The following CFAP77 variants were observed in gnomAD, a reference collection of about 807,000 sequenced individuals.
CFAP77 encodes the protein cilia- and flagella-associated protein 77.
Under a neutral mutation model 31.1 loss-of-function variants are expected in CFAP77, and 25 were observed. That is an observed-to-expected ratio of 0.80 (90% CI 0.59 to 1.12). The LOEUF (loss-of-function observed/expected upper bound fraction) is 1.12, where lower values mean the gene tolerates loss of function less well. Ranked by LOEUF, CFAP77 falls within the 50% of genes most tolerant of loss-of-function variation. CFAP77 has a pLI of 0.00. For synonymous variants in CFAP77, 151 were observed against 159.9 expected (o/e 0.94, Z 0.42); for missense variants, 377 against 397.3 (o/e 0.95, Z 0.44).
intron 1 of CFAP77, among the ~76,000 whole-genome samples, chr9:132,454,658 AGT>A (rs1850883581): frequency 6.6e-6 from 1 of 152,234 alleles, no homozygotes; most frequent in African/African-American, 2.4e-5. Flanking sequence ...CTTTTCTAGA[AGT>A]GAAGACTACT....
rs182600238 is a variant in CFAP77, at chr9:132,520,699, T to C, written c.525-16902T>C. On this transcript the variant is annotated intron_variant, in intron 3 of 5. Coordinates refer to ENST00000393216, the MANE Select transcript of CFAP77 (RefSeq NM_001282957.2). The stretch of plus-strand genomic sequence containing the variant: ...GTCTCTCATGTCCCTTCTCAGTCAG[T>C]GCCTTCCCCTGCCTCCAGGAGGATC... Among the ~76,000 whole-genome samples, 266 of 152,314 alleles carry C rather than the reference T, an allele frequency of 1.7e-3. 1 individual carries two copies. Among genetic ancestry groups the C allele is most frequent in the African/African-American group, 6.0e-3 (251 of 41,564 alleles).
chr9:132,572,591 G>T lies in CFAP77; in HGVS notation c.*81G>T, dbSNP rs769960987. 4.5e-5 allele frequency: 61 copies of T among 1,367,924 alleles called. No individual in the cohort carries two copies. The highest frequency in any genetic ancestry group is 5.9e-5 in the Non-Finnish European group (60 of 1,009,416). The allele number at this position is 1,367,924 out of a possible 1,614,324, so 84.7% of individuals were successfully genotyped here. ...GGACTCCCTATCTTGCCCCAACCCT[G>T]ACATTCCCCCATTTTTATGCAGGTT... On this transcript the variant is annotated 3_prime_UTR_variant, in exon 6 of 6. Transcript: ENST00000393216.
At chr9:132,569,792 G>T (rs139412286) in intron 5 of CFAP77, among the ~76,000 whole-genome samples, 3,467 of 145,022 alleles carry the variant, frequency 0.024, 119 homozygotes, top group African/African-American at 0.085. Flanking sequence ...CTGGAGTGCA[G>T]TGGCACAATC....
At chr9:132,432,911 T>G (rs1191722921) in intron 1 of CFAP77, among the ~76,000 whole-genome samples, 1 of 152,160 alleles carries the variant, frequency 6.6e-6, no homozygotes, top group Non-Finnish European at 1.5e-5. Flanking sequence ...GAGATGGGTT[T>G]CGCCATGTTA....
intron 1 of CFAP77, among the ~76,000 whole-genome samples, chr9:132,412,581 T>TG (rs1554731671): frequency 0.099 from 3,125 of 31,414 alleles, 121 homozygotes; most frequent in African/African-American, 0.14. Context: ...CCACCTCTGT[T>TG]GTTTTTTTTG....
In CFAP77 at chr9:132,565,276, C is replaced by T. The variant is rs1332605654; in HGVS notation, c.733-7112C>T. Among the ~76,000 whole-genome samples the T allele has an allele frequency of 6.6e-6, 1 of 151,794 alleles. No individual in the cohort carries two copies. The highest frequency in any genetic ancestry group is 1.5e-5 in the Non-Finnish European group (1 of 67,978). The stretch of plus-strand genomic sequence containing the variant: ...CCCTGGCTTGCTCCTTCATCCTCCC[C>T]AGAGAGCCCTTCCTGAGCCCCAGAT... On this transcript the variant is annotated intron_variant, in intron 5 of 5. Coordinates refer to ENST00000393216, the MANE Select transcript of CFAP77 (RefSeq NM_001282957.2). The surrounding 1 kb of genome is among the most constrained non-coding windows in gnomAD (Gnocchi z 4.1).
At chr9:132,548,286 G>T (rs10901190) in intron 5 of CFAP77, among the ~76,000 whole-genome samples, 1 of 128,890 alleles carries the variant, frequency 7.8e-6, no homozygotes, top group Admixed American at 7.9e-5. Context: ...GGGGGGTGGG[G>T]GGTGAAGCTG....
rs928990698 is a variant in CFAP77, at chr9:132,545,266, T to C, written c.732+2219T>C. Among the ~76,000 whole-genome samples the C allele has an allele frequency of 1.3e-5, 2 of 152,210 alleles. No homozygotes were observed. Among genetic ancestry groups the C allele is most frequent in the African/African-American group, 4.8e-5 (2 of 41,448 alleles). On this transcript the variant is annotated intron_variant, in intron 5 of 5. Coordinates refer to ENST00000393216, the MANE Select transcript of CFAP77 (RefSeq NM_001282957.2). The surrounding 1 kb of genome is among the most constrained non-coding windows in gnomAD (Gnocchi z 4.6). Reference sequence around the variant, plus strand: ...CCATGCCAGGCACTGTGTGAGGTCATGTGTGCATATTACTTCATTTCAGCC... The same window carrying C: ...CCATGCCAGGCACTGTGTGAGGTCACGTGTGCATATTACTTCATTTCAGCC...
At chr9:132,463,192 G>C (rs1042320029) in intron 1 of CFAP77, among the ~76,000 whole-genome samples, 1 of 152,208 alleles carries the variant, frequency 6.6e-6, no homozygotes, top group African/African-American at 2.4e-5. Flanking sequence ...CAATCTTTGC[G>C]AAAGGCACTT....
chr9:132,504,429 G>T (rs55767411), intron 3 of CFAP77, among the ~76,000 whole-genome samples: 21,907 of 152,228 alleles, frequency 0.14, 1,872 homozygotes, highest in African/African-American at 0.24. Context: ...GTGATGAAGT[G>T]CTGGCTGTAT....
intron 1 of CFAP77, among the ~76,000 whole-genome samples, chr9:132,463,414 GAA>G (rs1445475547): frequency 6.6e-6 from 1 of 152,138 alleles, no homozygotes; most frequent in East Asian, 1.9e-4. Flanking sequence ...CTGGGTAATG[GAA>G]AGAGTTGCAG....
At chr9:132,566,460 GT>G (rs1203599552) in intron 5 of CFAP77, among the ~76,000 whole-genome samples, 1 of 152,196 alleles carries the variant, frequency 6.6e-6, no homozygotes, top group African/African-American at 2.4e-5. Context: ...AAGCAGGTCT[GT>G]TCTTGTCCTA....
At chr9:132,514,963 C>G (rs1281822376) in intron 3 of CFAP77, among the ~76,000 whole-genome samples, 1 of 152,142 alleles carries the variant, frequency 6.6e-6, no homozygotes, top group South Asian at 2.1e-4. Context: ...GCTCAGCCCC[C>G]CAGCCCGCCC....
chr9:132,446,289 G>T (rs1437471818), intron 1 of CFAP77, among the ~76,000 whole-genome samples: 1 of 152,090 alleles, frequency 6.6e-6, no homozygotes, highest in Non-Finnish European at 1.5e-5. Flanking sequence ...TGATCCTGGA[G>T]CCCAAGGCTG....
chr9:132,524,311 G>C (rs1456058067), intron 3 of CFAP77, among the ~76,000 whole-genome samples: 1 of 151,720 alleles, frequency 6.6e-6, no homozygotes, highest in Non-Finnish European at 1.5e-5. Context: ...GTGTGTAAAA[G>C]TACCCGGGGT....
chr9:132,519,658 G>A (rs1852227526), intron 3 of CFAP77, among the ~76,000 whole-genome samples: 1 of 133,186 alleles, frequency 7.5e-6, no homozygotes, highest in Non-Finnish European at 1.6e-5. Flanking sequence ...ATGGATGGAT[G>A]GATGGATGGA....
chr9:132,476,848 T>C (rs1458377953), intron 1 of CFAP77, among the ~76,000 whole-genome samples: 1 of 152,184 alleles, frequency 6.6e-6, no homozygotes, highest in Non-Finnish European at 1.5e-5. Flanking sequence ...CCACTGCTGC[T>C]AACACCTTCA....
chr9:132,436,572 T>C (rs1850508124), intron 1 of CFAP77, among the ~76,000 whole-genome samples: 2 of 152,200 alleles, frequency 1.3e-5, no homozygotes, highest in African/African-American at 4.8e-5. Flanking sequence ...GAATTTCTCT[T>C]CCTAGTTTTT....
chr9:132,567,671 A>G (rs1226332403), intron 5 of CFAP77, among the ~76,000 whole-genome samples: 1 of 152,138 alleles, frequency 6.6e-6, no homozygotes, highest in East Asian at 1.9e-4. Flanking sequence ...AACCATAGAA[A>G]TGTTTGTTTT....
Sources: gnomAD v4.1 joint callset for allele counts (sites outside exome capture counted in the v4.1 genomes callset) on GRCh38, gnomAD v4.1.1 for gene constraint, Gnocchi (gnomAD v3.1) non-coding constraint, MANE v1.5 for transcripts, NCBI Gene and HGNC (gene_info 2026-07-23, HGNC 2026-07-21) for gene names.